The following KHDRBS2 variants were observed in gnomAD, a reference collection of about 807,000 sequenced individuals.
KHDRBS2 encodes the protein KH domain-containing, RNA-binding, signal transduction-associated protein 2.
KHDRBS2 carries 26 observed loss-of-function variants against 44.3 expected under a neutral mutation model. The ratio of observed to expected loss-of-function variants is 0.59; its 90% CI spans 0.43 to 0.81. The LOEUF is 0.81. Ranked by LOEUF, KHDRBS2 falls within the 40% of genes least tolerant of loss-of-function variation. KHDRBS2 has a pLI of 0.00. For synonymous variants in KHDRBS2, 194 were observed against 151.1 expected, an observed-to-expected ratio of 1.28 and a Z score of -2.08; for missense variants, 476 against 433.1, an observed-to-expected ratio of 1.10 and a Z score of -0.88.
the KHDRBS2 span, among the ~76,000 whole-genome samples, chr6:61,626,451 C>G: frequency 6.6e-6 from 1 of 152,152 alleles, no homozygotes; most frequent in Non-Finnish European, 1.5e-5. Context: ...GTATGCAATG[C>G]AGAAAATACA....
chr6:61,616,817 G>A, the KHDRBS2 span, among the ~76,000 whole-genome samples: 2 of 152,074 alleles, frequency 1.3e-5, no homozygotes, highest in African/African-American at 4.8e-5. Context: ...CGATTCTCCA[G>A]TTCAGCATTC....
At chr6:62,166,835 A>G (rs1585029520) in intron 2 of KHDRBS2, among the ~76,000 whole-genome samples, 1 of 152,062 alleles carries the variant, frequency 6.6e-6, no homozygotes, top group Non-Finnish European at 1.5e-5. Context: ...CTGCAACAAC[A>G]AAAGAAATAG....
chr6:62,096,182 T>C (rs1309203977), intron 2 of KHDRBS2, among the ~76,000 whole-genome samples: 1 of 151,960 alleles, frequency 6.6e-6, no homozygotes. Flanking sequence ...CGGTTCTGTT[T>C]TGTATCCTTG....
At chr6:61,795,915 A>T (rs1342884437) in intron 6 of KHDRBS2, among the ~76,000 whole-genome samples, 4 of 151,782 alleles carry the variant, frequency 2.6e-5, no homozygotes, top group Admixed American at 6.6e-5. Context: ...AGGGTGTTTT[A>T]AAAAAAAGTG....
At chr6:62,059,215 T>G (rs1161265790) in intron 2 of KHDRBS2, among the ~76,000 whole-genome samples, 5 of 125,334 alleles carry the variant, frequency 4.0e-5, no homozygotes, top group African/African-American at 1.2e-4. Context: ...TTTTTTTTTT[T>G]TTTTTTTTTT....
In KHDRBS2 at chr6:61,908,566, G is replaced by A. The variant is rs1226161834; in HGVS notation, c.484-7195C>T. ...GGAGAATGGCATGAACCCGGCAGGCGGAGCTTGCAGTGAGCTGAGATAGCG... is the reference window on the plus strand; with the variant it reads ...GGAGAATGGCATGAACCCGGCAGGCAGAGCTTGCAGTGAGCTGAGATAGCG... On this transcript the variant is annotated intron_variant, in intron 4 of 8. Transcript: ENST00000281156. Among the ~76,000 whole-genome samples, 26 of 151,138 alleles carry A rather than the reference G, an allele frequency of 1.7e-4. 1 individual carries two copies. The highest frequency in any genetic ancestry group is 3.2e-4 in the Non-Finnish European group (22 of 67,852).
At chr6:61,632,399 C>G in the KHDRBS2 span, among the ~76,000 whole-genome samples, 3 of 151,882 alleles carry the variant, frequency 2.0e-5, no homozygotes, top group Non-Finnish European at 4.4e-5. Context: ...AGGCGTTTTA[C>G]TAGAATAAAA....
chr6:62,070,900 T>C (rs1274313805), intron 2 of KHDRBS2, among the ~76,000 whole-genome samples: 2 of 152,082 alleles, frequency 1.3e-5, no homozygotes, highest in East Asian at 1.9e-4. Context: ...TTCTAGATCC[T>C]TGAGGAATGG....
At chr6:61,895,018 T>C (rs1481750210) in intron 5 of KHDRBS2, among the ~76,000 whole-genome samples, 185 bp from the exon 6 acceptor site, 10 of 151,792 alleles carry the variant, frequency 6.6e-5, no homozygotes. Flanking sequence ...TGTGTTGATA[T>C]CTATAGAAGA....
Position 61,732,728 on chromosome 6 carries a change from G to C in KHDRBS2, c.847C>G (p.Gln283Glu). ...DDGYGGEYDDQTYETYDNSYA... is the reference protein window; with the variant it reads ...DDGYGGEYDDETYETYDNSYA... ...CTGTTATCATAAGTCTCATAGGTCT[G>C]GTCATCATATTCACCCCCGTAGCCA... Residue 283 changes from glutamine to glutamate, a missense_variant, in exon 7 of 9, where the codon CAG becomes GAG. Physicochemically the swap from Gln to Glu is conservative, Grantham distance 29. Transcript: ENST00000281156. 6.2e-7 allele frequency: 1 copy of C among 1,611,622 alleles called. No individual in the cohort carries two copies. Among genetic ancestry groups the C allele is most frequent in the South Asian group, 1.1e-5 (1 of 91,008 alleles).
intron 4 of KHDRBS2, among the ~76,000 whole-genome samples, chr6:61,929,826 GTTGT>G (rs1476532003): frequency 6.6e-6 from 1 of 152,098 alleles, no homozygotes; most frequent in Non-Finnish European, 1.5e-5. Flanking sequence ...GTTAGATGAA[GTTGT>G]TTGATTTAAC....
At chr6:62,055,249 G>GA (rs1346225538) in intron 2 of KHDRBS2, among the ~76,000 whole-genome samples, 9 of 151,766 alleles carry the variant, frequency 5.9e-5, no homozygotes, top group East Asian at 2.0e-4. Context: ...CTAAGGAAAA[G>GA]AAAAAAGACT....
the KHDRBS2 span, among the ~76,000 whole-genome samples, chr6:61,614,057 T>C: frequency 6.6e-6 from 1 of 152,222 alleles, no homozygotes; most frequent in East Asian, 1.9e-4. Context: ...TAAAGCACAT[T>C]ATTTTATTCG....
intron 2 of KHDRBS2, among the ~76,000 whole-genome samples, chr6:62,156,910 C>A (rs1816552417): frequency 6.9e-6 from 1 of 145,596 alleles, no homozygotes; most frequent in Non-Finnish European, 1.5e-5. Context: ...TGGTCTTGAT[C>A]TCCGGACCTC....
chr6:62,184,049 T>C (rs542006607), intron 1 of KHDRBS2, among the ~76,000 whole-genome samples: 1 of 151,892 alleles, frequency 6.6e-6, no homozygotes, highest in South Asian at 2.1e-4. Context: ...ATTTTGCTTT[T>C]TGTATTTGAA....
intron 2 of KHDRBS2, among the ~76,000 whole-genome samples, chr6:62,148,654 T>C (rs1026905357): frequency 3.7e-4 from 56 of 152,074 alleles, no homozygotes; most frequent in African/African-American, 1.3e-3. Flanking sequence ...CAGACCTCTC[T>C]CACCATTTGC....
chr6:61,769,123 C>G (rs1225138892), intron 6 of KHDRBS2, among the ~76,000 whole-genome samples: 1 of 152,054 alleles, frequency 6.6e-6, no homozygotes, highest in Non-Finnish European at 1.5e-5. Context: ...GCATTTTAGG[C>G]TGACGTTAAA....
chr6:61,704,988 A>T (rs1328610938), intron 7 of KHDRBS2, among the ~76,000 whole-genome samples: 1 of 151,866 alleles, frequency 6.6e-6, no homozygotes, highest in Non-Finnish European at 1.5e-5. Context: ...TACATTTAGG[A>T]TCCATAATTA....
chr6:61,773,412 T>C (rs1266922504), intron 6 of KHDRBS2, among the ~76,000 whole-genome samples: 3 of 152,136 alleles, frequency 2.0e-5, no homozygotes, highest in Admixed American at 6.5e-5. Context: ...CATTTTTTCA[T>C]GTGTTTTTTT....
Sources: allele counts gnomAD v4.1 joint callset (sites outside exome capture counted in the v4.1 genomes callset), GRCh38; gene constraint gnomAD v4.1.1; transcripts MANE v1.5; gene names NCBI Gene and HGNC (gene_info 2026-07-23, HGNC 2026-07-21).